The following ANO9 variants were observed in gnomAD, a reference collection of about 807,000 sequenced individuals.
ANO9 encodes the protein anoctamin 9.
ANO9 carries 80 observed loss-of-function variants against 100.5 expected under a neutral mutation model. The observed-to-expected ratio is 0.80, with a 90% CI of 0.66 to 0.96. The LOEUF (loss-of-function observed/expected upper bound fraction) is 0.96. ANO9 is among the 40% of genes least tolerant of loss of function. ANO9 has a pLI of 0.00. For synonymous variants in ANO9, 473 were observed against 435.6 expected (o/e 1.09, Z -1.07); for missense variants, 1,064 against 1,072.7 (o/e 0.99, Z 0.11).
At position 420,295 on chromosome 11, in the gene ANO9, C is replaced by G. The variant is rs775087335; in HGVS notation, c.1786+168G>C. ...CGGCCCCGCCCACTCCTGGTACCCT[C>G]CCACCCAGGCTCAACCCGCATCCGA... On this transcript the variant is annotated intron_variant, in intron 19 of 22. Transcript: ENST00000332826. The G allele has an allele frequency of 3.5e-6, 5 of 1,442,340 alleles. No individual in the cohort carries two copies. In the East Asian group the frequency reaches 1.3e-4, roughly 36 times the overall value. The allele number at this position is 1,442,340 out of a possible 1,614,324, so 89.3% of individuals were successfully genotyped here. A position where few individuals can be genotyped will look rare whatever the true frequency, so the allele number is the denominator to read the frequency against.
At position 428,093 on chromosome 11, in the gene ANO9, C is replaced by T. The variant is rs763430876; in HGVS notation, c.1329G>A (p.Leu443=). The T allele has an allele frequency of 6.2e-7, 1 of 1,606,810 alleles. No homozygotes were observed. The highest frequency in any genetic ancestry group is 1.1e-5 in the South Asian group (1 of 90,674). Residue 443 remains leucine (L), a synonymous_variant, in exon 15 of 23, where the codon CTG becomes CTA. Coordinates refer to ENST00000332826, the MANE Select transcript of ANO9 (RefSeq NM_001012302.3). The part of the protein sequence containing the change: ...FSSLIYIAFI[L]GRINGHPGKS... ...GAGCCTGGCGCCGGCCCTACCTGCC[C>T]AGGATGAAGGCGATGTAGATGAGAG... is the stretch of plus-strand genomic sequence containing the variant.
At position 437,059 on chromosome 11, in the gene ANO9, T is replaced by TGCGCGGGGGGTGCGTG. The variant is rs1564936314; in HGVS notation, c.7-2962_7-2961insCACGCACCCCCCGCGC. ...AGCGGGGGGTGCGTGGGGGGTGAGC[T>TGCGCGGGGGGTGCGTG]GGGGGTGAATGTTCCCACCTGGGCT... On this transcript the variant is annotated intron_variant, in intron 1 of 22. Transcript: ENST00000332826. Among the ~76,000 whole-genome samples, 15 of 64,472 alleles carry TGCGCGGGGGGTGCGTG rather than the reference T, an allele frequency of 2.3e-4. No individual in the cohort carries two copies. In the South Asian group the frequency reaches 2.6e-3, roughly 11 times the overall value. 42.3% of individuals were successfully genotyped at this position (64,472 alleles called of 152,430 possible). A position where few individuals can be genotyped will look rare whatever the true frequency, so the allele number is the denominator to read the frequency against.
Position 428,108 on chromosome 11 carries a change from G to A in ANO9, c.1314C>T (p.Tyr438=), listed in dbSNP as rs148485064. The change falls in exon 15 of 23, where the codon TAC becomes TAT. Residue 438 remains tyrosine (Y), a synonymous_variant. Coordinates refer to ENST00000332826, the MANE Select transcript of ANO9 (RefSeq NM_001012302.3). ...QFFTHFSSLI[Y]IAFILGRING... ...CCTACCTGCCCAGGATGAAGGCGAT[G>A]TAGATGAGAGACGAGAAATGGGTGA... is the stretch of plus-strand genomic sequence containing the variant. 277 of 1,610,234 alleles carry A rather than the reference G, an allele frequency of 1.7e-4. No individual in the cohort carries two copies. The highest frequency in any genetic ancestry group is 2.2e-4 in the Non-Finnish European group (261 of 1,179,420).
At chr11:419,541 C>G (rs756654310) in intron 20 of ANO9, 41 bp downstream of exon 20, 1 of 1,604,046 alleles carries the variant, frequency 6.2e-7, no homozygotes, top group Non-Finnish European at 8.5e-7. Context: ...TGTGGTAGGG[C>G]CAGTTTCTCC....
Position 432,052 on chromosome 11 carries a change from A to C in ANO9, c.353T>G (p.Leu118Arg). 6.2e-7 allele frequency: 1 copy of C among 1,612,832 alleles called. No individual in the cohort carries two copies. The highest frequency in any genetic ancestry group is 2.2e-5 in the East Asian group (1 of 44,868). ...AACGAAGTTCACGATTCGGATTCTGAGACTCAAGAGCCAGAGCAGGGTGGC... is the reference window on the plus strand; with the variant it reads ...AACGAAGTTCACGATTCGGATTCTGCGACTCAAGAGCCAGAGCAGGGTGGC... ...APTTIPVTTS[L>R]RIRIVNFVVM... Residue 118 changes from leucine to arginine, a missense_variant and splice_region_variant, in exon 5 of 23, where the codon CTC (leucine) becomes CGC (arginine). By Grantham distance (102) the Leu-to-Arg change is moderately radical (BLOSUM62 -2). Transcript: ENST00000332826. This position sits in a 1 kb window ranked among gnomAD's most constrained non-coding sequence, Gnocchi z 4.8.
chr11:431,451 G>A (rs11246156), intron 7 of ANO9, among the ~76,000 whole-genome samples: 73 of 54,036 alleles, frequency 1.4e-3, no homozygotes, highest in East Asian at 2.8e-3. Context: ...GCGGGGGTGT[G>A]GGGGCTCCCG....
rs1004159773 is a variant in ANO9, at chr11:441,966, A to G, written c.-40T>C. 12 of 1,601,272 alleles carry G rather than the reference A, an allele frequency of 7.5e-6. No individual in the cohort carries two copies. The African/African-American group carries it at 1.5e-4, about 20-fold the overall frequency. Reference sequence around the variant, plus strand: ...GAGTTCCAGCTGGGGTTTGGCGGCCAGGAGAGTGGCTGCCAGCGGCGGGTG... The same window carrying G: ...GAGTTCCAGCTGGGGTTTGGCGGCCGGGAGAGTGGCTGCCAGCGGCGGGTG... On this transcript the variant is annotated 5_prime_UTR_variant, in exon 1 of 23. Transcript: ENST00000332826.
In ANO9 at chr11:432,348, T is replaced by A; in HGVS notation, c.351-294A>T. 3 of 482,956 alleles carry A rather than the reference T, an allele frequency of 6.2e-6. No individual in the cohort carries two copies. Among genetic ancestry groups the A allele is most frequent in the East Asian group, 3.7e-5 (1 of 27,308 alleles). 29.9% of individuals were successfully genotyped at this position (482,956 alleles called of 1,614,324 possible). A position where few individuals can be genotyped will look rare whatever the true frequency, so the allele number is the denominator to read the frequency against. ...AGAAGCCCAGACCACAGCCCGCACC[T>A]GCAACCACACCTCCCACCTGCGGGC... On this transcript the variant is annotated intron_variant, in intron 4 of 22. Coordinates refer to ENST00000332826, the MANE Select transcript of ANO9 (RefSeq NM_001012302.3). The surrounding 1 kb of genome is among the most constrained non-coding windows in gnomAD (Gnocchi z 4.8).
chr11:430,246 G>A, intron 8 of ANO9, 23 bp downstream of exon 8: 2 of 1,554,050 alleles, frequency 1.3e-6, no homozygotes, highest in East Asian at 2.4e-5. Flanking sequence ...GGCCCCCCAT[G>A]CCCGGCCCCT....
At chr11:433,743 C>T in intron 3 of ANO9, 72 bp downstream of exon 3, 1 of 1,505,906 alleles carries the variant, frequency 6.6e-7, no homozygotes, top group Non-Finnish European at 8.9e-7. Context: ...CCGCCCCAGC[C>T]CCATGGCCCT....
At chr11:419,384 A>G in intron 20 of ANO9, 198 bp downstream of exon 20, 2 of 1,420,616 alleles carry the variant, frequency 1.4e-6, no homozygotes, top group Non-Finnish European at 1.8e-6. Context: ...GGTCCTGGCC[A>G]GTTATCCCTG....
intron 15 of ANO9, among the ~76,000 whole-genome samples, chr11:423,883 A>ACT (rs889659118): frequency 9.0e-6 from 1 of 111,704 alleles, no homozygotes; most frequent in African/African-American, 4.0e-5. Flanking sequence ...ACAGTTGAAT[A>ACT]CTCACACACA....
chr11:437,042 G>A (rs1845387294), intron 1 of ANO9, among the ~76,000 whole-genome samples: 1 of 137,160 alleles, frequency 7.3e-6, no homozygotes, highest in Non-Finnish European at 1.6e-5. Flanking sequence ...TGAGCGGGGG[G>A]TGCGTGGGGG....
rs768608541 is a variant in ANO9, at chr11:420,566, C to T, written c.1683G>A (p.Ala561=). The change falls in exon 19 of 23, where the codon GCG becomes GCA. Residue 561 remains alanine, a synonymous_variant. Transcript: ENST00000332826. Reference sequence around the variant, plus strand: ...GGTTGCTGAAGAGCGCGAGCAGCGGCGCCAGCGGGAAGGCGGCCACGAAGA... The same window carrying T: ...GGTTGCTGAAGAGCGCGAGCAGCGGTGCCAGCGGGAAGGCGGCCACGAAGA... ...TTIFVAAFPL[A]PLLALFSNLV... 14 of 1,605,334 alleles carry T rather than the reference C, an allele frequency of 8.7e-6. No individual in the cohort carries two copies. The highest frequency in any genetic ancestry group is 1.3e-5 in the African/African-American group (1 of 74,910).
chr11:429,808 A>C lies in ANO9; in HGVS notation c.782T>G (p.Leu261Arg). 3.8e-6 allele frequency: 6 copies of C among 1,592,268 alleles called. No homozygotes were observed. The highest frequency in any genetic ancestry group is 5.1e-6 in the Non-Finnish European group (6 of 1,167,346). The part of the protein sequence containing the change: ...ETCTFAKLTH[L>R]FDNDGTVVFA... ...CACCACCGTGCCATCATTGTCAAAG[A>C]GGTGGGTGAGCTGGGGGGGTGATAG... The change falls in exon 10 of 23, where the codon CTC (leucine) becomes CGC (arginine). Residue 261 changes from leucine (L) to arginine (R), a missense_variant. Leu to Arg is a moderately radical substitution (Grantham distance 102, BLOSUM62 -2). Transcript: ENST00000332826.
At position 434,013 on chromosome 11, in the gene ANO9, C is replaced by A; in HGVS notation, c.81+11G>T. On this transcript the variant is annotated intron_variant, in intron 2 of 22. Coordinates refer to ENST00000332826, the MANE Select transcript of ANO9 (RefSeq NM_001012302.3). ...CCAGGTGGGGCCCGGGAGGGGCCCC[C>A]GGACACCCACCTCACAGGTGCTGAT... is the stretch of plus-strand genomic sequence containing the variant. 6.5e-7 allele frequency: 1 copy of A among 1,550,208 alleles called. No individual in the cohort carries two copies. Among genetic ancestry groups the A allele is most frequent in the South Asian group, 1.2e-5 (1 of 84,056 alleles).
In ANO9 at chr11:436,068, T is replaced by A. The variant is rs868218651; in HGVS notation, c.7-1970A>T. 8.8e-3 allele frequency among the ~76,000 whole-genome samples: 1,247 copies of A among 141,702 alleles called. 13 individuals carry two copies. Among genetic ancestry groups the A allele is most frequent in the African/African-American group, 0.031 (1,189 of 37,810 alleles). 93.0% of individuals were successfully genotyped at this position (141,702 alleles called of 152,430 possible). On this transcript the variant is annotated intron_variant, in intron 1 of 22. Coordinates refer to ENST00000332826, the MANE Select transcript of ANO9 (RefSeq NM_001012302.3). ...TTTTTTTTTTCTTTTCTTTCCTTTT[T>A]TTTTTTTTTTTTTTTTGAGACAGAG...
intron 1 of ANO9, among the ~76,000 whole-genome samples, chr11:435,871 A>G (rs1849489784): frequency 6.6e-6 from 1 of 150,464 alleles, no homozygotes. Flanking sequence ...CTAGTATAGC[A>G]TAGTATAGCA....
At chr11:437,383 C>G (rs1267437598) in intron 1 of ANO9, among the ~76,000 whole-genome samples, 3 of 152,164 alleles carry the variant, frequency 2.0e-5, no homozygotes, top group Non-Finnish European at 4.4e-5. Flanking sequence ...CACCCAGTGC[C>G]ACACTGCAGC....
Sources: gnomAD v4.1 joint callset for allele counts (sites outside exome capture counted in the v4.1 genomes callset) on GRCh38, gnomAD v4.1.1 for gene constraint, Gnocchi (gnomAD v3.1) non-coding constraint, MANE v1.5 for transcripts, NCBI Gene and HGNC (gene_info 2026-07-23, HGNC 2026-07-21) for gene names.